Variants in GBP1 observed in about 807,000 individuals in gnomAD.
GBP1 encodes the protein guanylate-binding protein 1.
A neutral mutation model predicts 69.5 loss-of-function variants in GBP1; 64 were observed. That is an observed-to-expected ratio of 0.92 (90% confidence interval 0.75 to 1.13). The LOEUF (loss-of-function observed/expected upper bound fraction) is 1.13, where lower values mean the gene tolerates loss of function less well. Ranked by LOEUF, GBP1 falls within the 50% of genes most tolerant of loss-of-function variation. The probability of loss-of-function intolerance (pLI) is 0.00; values close to 1 mark genes in which losing one functional copy is unlikely to be tolerated. For missense variants in GBP1, 630 were observed against 704.1 expected (o/e 0.89, Z 1.19); for synonymous variants, 250 against 261.2 (o/e 0.96, Z 0.41).
At chr1:89,057,234 A>C (rs760279829) in intron 6 of GBP1, 100 bp from the exon 7 acceptor site, 43 of 1,493,148 alleles carry the variant, frequency 2.9e-5, no homozygotes, top group Non-Finnish European at 3.7e-5. Context: ...TCCTCACAGC[A>C]TCAATGTCCT....
rs1680042577 is a variant in GBP1 at position 89,056,247 on chromosome 1, A to G, written c.1156-19T>C. ...GCTGGGCCTTTAATGTAAAAATAGGAAGTAAAAAGAGTAACAGGGAAAGGA... is the reference window on the plus strand; with the variant it reads ...GCTGGGCCTTTAATGTAAAAATAGGGAGTAAAAAGAGTAACAGGGAAAGGA... On this transcript the variant is annotated intron_variant, in intron 7 of 10. Transcript: ENST00000370473. The G allele has an allele frequency of 1.2e-6, 2 of 1,613,796 alleles. No individual in the cohort carries two copies. Among genetic ancestry groups the G allele is most frequent in the African/African-American group, 2.7e-5 (2 of 74,910 alleles).
chr1:89,058,321 G>T (rs1557749595), intron 5 of GBP1, 87 bp from the exon 6 acceptor site: 3 of 1,154,962 alleles, frequency 2.6e-6, no homozygotes, highest in Non-Finnish European at 3.7e-6. Context: ...GGCTCTTCAG[G>T]CTGGATGGTC....
chr1:89,056,902 G>C lies in GBP1; in HGVS notation c.1107C>G (p.Ile369Met), dbSNP rs754480257. ...DSEREAIEVFIRSSFKDVDHL... is the reference protein window; with the variant it reads ...DSEREAIEVFMRSSFKDVDHL... Reference sequence around the variant, plus strand: ...GGTCCACATCTTTGAAGGAACTCCTGATGAAGACTTCAATGGCCTCTCTCT... The same window carrying C: ...GGTCCACATCTTTGAAGGAACTCCTCATGAAGACTTCAATGGCCTCTCTCT... Residue 369 changes from isoleucine to methionine, a missense_variant, in exon 7 of 11, where the codon ATC (isoleucine) becomes ATG (methionine). This residue lies in a region of GBP1 where 367 missense variants were observed against 369.5 expected (regional missense o/e 0.99). Transcript: ENST00000370473. 22 of 1,614,114 alleles carry C rather than the reference G, an allele frequency of 1.4e-5. No individual in the cohort carries two copies. In the African/African-American group the frequency reaches 2.4e-4, roughly 18 times the overall value.
chr1:89,060,393 G>C lies in GBP1; in HGVS notation c.191-69C>G. 2.2e-6 allele frequency: 3 copies of C among 1,384,386 alleles called. No individual in the cohort carries two copies. In the South Asian group the frequency reaches 4.9e-5, roughly 23 times the overall value. 85.8% of individuals were successfully genotyped at this position (1,384,386 alleles called of 1,614,324 possible). ...GCAGTTCTGGCAATTGAAGGAAAAAGTAGTATATTTAAGGTTAAGAGAGAG... is the reference window on the plus strand; with the variant it reads ...GCAGTTCTGGCAATTGAAGGAAAAACTAGTATATTTAAGGTTAAGAGAGAG... On this transcript the variant is annotated intron_variant, in intron 2 of 10. Transcript: ENST00000370473.
Position 89,053,208 on chromosome 1 carries a change from G to T in GBP1, c.*147C>A. 181 of 448,426 alleles carry T rather than the reference G, an allele frequency of 4.0e-4. No homozygotes were observed. The highest frequency in any genetic ancestry group is 6.3e-4 in the Middle Eastern group (1 of 1,578). 27.8% of individuals were successfully genotyped at this position (448,426 alleles called of 1,614,324 possible). ...TTTTTTTTTTTTTAAGAAAAAACAT[G>T]ATTTTGATCATTGTACCACATGCCT... On this transcript the variant is annotated 3_prime_UTR_variant, in exon 11 of 11. Transcript: ENST00000370473.
rs766833210 is a variant in GBP1, at chr1:89,057,000, G to C, written c.1009C>G (p.Gln337Glu). The C allele has an allele frequency of 2.2e-5, 36 of 1,614,094 alleles. No homozygotes were observed. Among genetic ancestry groups the C allele is most frequent in the Non-Finnish European group, 2.8e-5 (33 of 1,180,046 alleles). ...AVQKAIAHYE[Q>E]QMGQKVQLPT... is the part of the protein sequence containing the mutation. ...AGCTGCACCTTCTGGCCCATCTGCT[G>C]TTCATAGTGGGCAATAGCCTTTTGC... Residue 337 changes from glutamine to glutamate, a missense_variant, in exon 7 of 11, where the codon CAG becomes GAG. Gln to Glu is a conservative substitution (Grantham distance 29). This residue lies in a region of GBP1 where 367 missense variants were observed against 369.5 expected (regional missense o/e 0.99). Transcript: ENST00000370473.
chr1:89,059,440 C>T lies in GBP1; in HGVS notation c.319-14G>A, dbSNP rs1680129030. On this transcript the variant is annotated splice_polypyrimidine_tract_variant and intron_variant, in intron 3 of 10. Transcript: ENST00000370473. ...CTGGTTGTCACCCTGGAAGTCAAGA[C>T]ACACTGGAGTCAGGAGCAAGTTTCA... The T allele has an allele frequency of 1.2e-6, 2 of 1,613,310 alleles. No homozygotes were observed. The highest frequency in any genetic ancestry group is 8.5e-7 in the Non-Finnish European group (1 of 1,179,668).
chr1:89,059,539 T>C (rs1386513792), intron 3 of GBP1, 113 bp from the exon 4 acceptor site: 2 of 697,566 alleles, frequency 2.9e-6, no homozygotes, highest in African/African-American at 2.2e-5. Flanking sequence ...TTCTTTTCTT[T>C]TTTTTTTTTT....
chr1:89,060,116 A>G, intron 3 of GBP1, 81 bp downstream of exon 3: 1 of 1,334,960 alleles, frequency 7.5e-7, no homozygotes, highest in Admixed American at 2.5e-5. Flanking sequence ...GCCTGTAGTT[A>G]ATAGTTAATA....
intron 5 of GBP1, 187 bp downstream of exon 5, chr1:89,058,654 G>C: frequency 3.0e-6 from 2 of 666,312 alleles, no homozygotes; most frequent in Non-Finnish European, 5.1e-6. Context: ...ACTTGTTCTA[G>C]AACAATGACA....
chr1:89,056,225 G>T lies in GBP1; in HGVS notation c.1159C>A (p.Gln387Lys). 6.2e-7 allele frequency: 1 copy of T among 1,613,878 alleles called. No individual in the cohort carries two copies. The highest frequency in any genetic ancestry group is 2.2e-5 in the East Asian group (1 of 44,892). Residue 387 changes from glutamine to lysine, a missense_variant, in exon 8 of 11, where the codon CAG (glutamine) becomes AAG (lysine). By Grantham distance (53) the Gln-to-Lys change is moderately conservative. Coordinates refer to ENST00000370473, the MANE Select transcript of GBP1 (RefSeq NM_002053.3). ...DHLFQKELAAQLEKKRDDFCK... is the reference protein window; with the variant it reads ...DHLFQKELAAKLEKKRDDFCK... ...AAGTCATCCCGCTTTTTTTCTAGCT[G>T]GGCCTTTAATGTAAAAATAGGAAGT...
rs149277121 is a variant in GBP1, at chr1:89,063,167, G to A, written c.68C>T (p.Ala23Val). 108 of 1,614,054 alleles carry A rather than the reference G, an allele frequency of 6.7e-5. No homozygotes were observed. Among genetic ancestry groups the A allele is most frequent in the African/African-American group, 8.0e-5 (6 of 75,034 alleles). ...LIENTNGRLM[A>V]NPEALKILSA... Reference sequence around the variant, plus strand: ...AAGGATCTTCAGAGCTTCTGGATTCGCCATCAGTCGCCCATTAGTGTTCTC... The same window carrying A: ...AAGGATCTTCAGAGCTTCTGGATTCACCATCAGTCGCCCATTAGTGTTCTC... The change falls in exon 2 of 11, where the codon GCG becomes GTG. Residue 23 changes from alanine (A) to valine (V), a missense_variant. By Grantham distance (64) the Ala-to-Val change is moderately conservative. This residue lies in a region of GBP1 where 131 missense variants were observed against 138.5 expected (regional missense o/e 0.95). Transcript: ENST00000370473.
rs768968870 is a variant in GBP1, at chr1:89,059,300, G to A, written c.428+17C>T. ...TCCCCTCTGACCTTGGTGCTGTTCT[G>A]GGTCACAAAAGGATACTACAGTTGG... On this transcript the variant is annotated intron_variant, in intron 4 of 10. Coordinates refer to ENST00000370473, the MANE Select transcript of GBP1 (RefSeq NM_002053.3). 2 of 1,613,990 alleles carry A rather than the reference G, an allele frequency of 1.2e-6. No homozygotes were observed. Among genetic ancestry groups the A allele is most frequent in the South Asian group, 2.2e-5 (2 of 91,070 alleles).
intron 2 of GBP1, among the ~76,000 whole-genome samples, chr1:89,062,251 TG>T (rs2101233874): frequency 6.6e-6 from 1 of 152,252 alleles, no homozygotes; most frequent in African/African-American, 2.4e-5. Context: ...AGACAAAAGG[TG>T]GAAGAAATCC....
intron 10 of GBP1, 123 bp downstream of exon 10, chr1:89,054,559 A>C: frequency 1.1e-6 from 1 of 877,990 alleles, no homozygotes; most frequent in East Asian, 2.4e-5. Context: ...ATTGAAAAGT[A>C]CAAGTAAGCA....
At chr1:89,059,823 A>C (rs976325730) in intron 3 of GBP1, among the ~76,000 whole-genome samples, 1 of 152,204 alleles carries the variant, frequency 6.6e-6, no homozygotes, top group African/African-American at 2.4e-5. Flanking sequence ...ATTTTATTGA[A>C]TAATTAATAT....
At chr1:89,064,224 TGTGTGTGTGTGTGTGTGAGAGAGAGA>T (rs1414874622) in intron 1 of GBP1, among the ~76,000 whole-genome samples, 5 of 136,942 alleles carry the variant, frequency 3.7e-5, no homozygotes, top group Non-Finnish European at 4.7e-5. Flanking sequence ...TGTGTGTGTG[TGTGTGTGTGTGTGTGTGAGAGAGAGA>T]GAGAGAGAGA....
At position 89,055,158 on chromosome 1, in the gene GBP1, G is replaced by T. The variant is rs774707674; in HGVS notation, c.1426C>A (p.Leu476Ile). Reference sequence around the variant, plus strand: ...TCTGTGAGAGTCTGGTCTGTCTGGAGAATTGCATCAGTCATAGACTCCTTG... The same window carrying T: ...TCTGTGAGAGTCTGGTCTGTCTGGATAATTGCATCAGTCATAGACTCCTTG... ...KSKESMTDAI[L>I]QTDQTLTEKE... is the part of the protein sequence containing the mutation. The change falls in exon 9 of 11, where the codon CTC becomes ATC. Residue 476 changes from leucine (L) to isoleucine (I), a missense_variant. By Grantham distance (5) the Leu-to-Ile change is conservative. Coordinates refer to ENST00000370473, the MANE Select transcript of GBP1 (RefSeq NM_002053.3). The T allele has an allele frequency of 6.8e-5, 109 of 1,612,720 alleles. No homozygotes were observed. Among genetic ancestry groups the T allele is most frequent in the Non-Finnish European group, 8.8e-5 (104 of 1,179,656 alleles).
rs200080703 is a variant in GBP1, at chr1:89,056,124, T to A, written c.1260A>T (p.Glu420Asp). 3 of 1,614,010 alleles carry A rather than the reference T, an allele frequency of 1.9e-6. No individual in the cohort carries two copies. The East Asian group carries it at 6.7e-5, about 36-fold the overall frequency. Reference protein sequence around the residue: ...LLQVIFSPLEEEVKAGIYSKP... With the variant: ...LLQVIFSPLEDEVKAGIYSKP... ...TCGAATAAATTCCCGCCTTCACTTC[T>A]TCTTCTAGAGGACTGAAAATGACCT... Residue 420 changes from glutamate (E) to aspartate (D), a missense_variant, in exon 8 of 11, where the codon GAA becomes GAT. Physicochemically the swap from Glu to Asp is conservative, Grantham distance 45 (BLOSUM62 2). Transcript: ENST00000370473.
Sources: gnomAD v4.1 joint callset for allele counts (sites outside exome capture counted in the v4.1 genomes callset) on GRCh38, gnomAD v4.1.1 for gene constraint, gnomAD v4.1.1 regional missense constraint, MANE v1.5 for transcripts, NCBI Gene and HGNC (gene_info 2026-07-23, HGNC 2026-07-21) for gene names.